The following LHX2 variants were observed in gnomAD, a reference collection of about 807,000 sequenced individuals.
LHX2 encodes the protein LIM/homeobox protein Lhx2.
In LHX2, 6 loss-of-function variants were observed where a neutral mutation model predicts 33.0. The observed-to-expected ratio is 0.18, with a 90% CI of 0.10 to 0.36. The LOEUF is 0.36. Ranked by LOEUF, LHX2 falls within the 10% of genes least tolerant of loss-of-function variation. The pLI, the probability that LHX2 is intolerant of heterozygous loss-of-function variation, is 1.00. For synonymous variants in LHX2, 292 were observed against 253.1 expected (o/e 1.15, Z -1.46); for missense variants, 442 against 586.2 (o/e 0.75, Z 2.54).
At chr9:124,021,072 C>T (rs773063287) in intron 3 of LHX2, 27 bp from the exon 4 acceptor site, 5 of 1,610,086 alleles carry the variant, frequency 3.1e-6, no homozygotes, top group Non-Finnish European at 4.2e-6. Context: ...AGGAAGTTCA[C>T]CCACCGGCTC....
At chr9:124,018,856 GCCCTTTCTGTCC>G (rs1859243013) in intron 3 of LHX2, among the ~76,000 whole-genome samples, 1 of 151,542 alleles carries the variant, frequency 6.6e-6, no homozygotes, top group South Asian at 2.1e-4. Flanking sequence ...TCCTTTCTCT[GCCCTTTCTGTCC>G]CCCTCCCCCG....
At chr9:124,027,682 G>T (rs1486478398) in intron 4 of LHX2, among the ~76,000 whole-genome samples, 2 of 152,148 alleles carry the variant, frequency 1.3e-5, no homozygotes, top group Non-Finnish European at 2.9e-5. Flanking sequence ...GCCGGGCATG[G>T]TGCCACATGC....
At position 124,015,579 on chromosome 9, in the gene LHX2, C is replaced by T. The variant is rs961920153; in HGVS notation, c.727+54C>T. 4.2e-5 allele frequency: 60 copies of T among 1,435,102 alleles called. No homozygotes were observed. The highest frequency in any genetic ancestry group is 3.0e-5 in the Non-Finnish European group (33 of 1,088,442). 88.9% of individuals were successfully genotyped at this position (1,435,102 alleles called of 1,614,324 possible). On this transcript the variant is annotated intron_variant, in intron 3 of 4. Transcript: ENST00000373615. The surrounding 1 kb of genome is among the most constrained non-coding windows in gnomAD (Gnocchi z 7.9). ...ATAGGGTTGGGGGAAAGTGTGCGGCCTCGACGGCCGGGAGCTGGATTGAAT... is the reference window on the plus strand; with the variant it reads ...ATAGGGTTGGGGGAAAGTGTGCGGCTTCGACGGCCGGGAGCTGGATTGAAT...
chr9:124,027,817 C>CA (rs1276253267), intron 4 of LHX2, among the ~76,000 whole-genome samples: 2 of 148,624 alleles, frequency 1.3e-5, no homozygotes, highest in Non-Finnish European at 1.5e-5. Flanking sequence ...GACTTCATCT[C>CA]AAAAAAAAAG....
chr9:124,026,124 G>C (rs903146517), intron 4 of LHX2, among the ~76,000 whole-genome samples: 2 of 152,214 alleles, frequency 1.3e-5, no homozygotes, highest in African/African-American at 4.8e-5. Context: ...CATGTGCCGG[G>C]CAGGGCTGGA....
chr9:124,014,291 C>A lies in LHX2; in HGVS notation c.323+128C>A, dbSNP rs978891551. The A allele has an allele frequency of 7.4e-5, 46 of 623,776 alleles. No individual in the cohort carries two copies. In the Admixed American group the frequency reaches 1.1e-3, roughly 15 times the overall value. 38.6% of individuals were successfully genotyped at this position (623,776 alleles called of 1,614,324 possible). A position where few individuals can be genotyped will look rare whatever the true frequency, so the allele number is the denominator to read the frequency against. ...CACTACTCAGGACTCCCCCGCTCCCCCCCCAAGTTCTCCAAGCCACCACAA... is the reference window on the plus strand; with the variant it reads ...CACTACTCAGGACTCCCCCGCTCCCACCCCAAGTTCTCCAAGCCACCACAA... On this transcript the variant is annotated intron_variant, in intron 2 of 4. Transcript: ENST00000373615. The surrounding 1 kb of genome is among the most constrained non-coding windows in gnomAD (Gnocchi z 4.8).
Position 124,012,224 on chromosome 9 carries a change from G to C in LHX2, c.-125G>C, listed in dbSNP as rs1413578358. 2.0e-6 allele frequency: 2 copies of C among 1,011,980 alleles called. No individual in the cohort carries two copies. Among genetic ancestry groups the C allele is most frequent in the Non-Finnish European group, 2.5e-6 (2 of 800,874 alleles). The allele number at this position is 1,011,980 out of a possible 1,614,324, so 62.7% of individuals were successfully genotyped here. A position where few individuals can be genotyped will look rare whatever the true frequency, so the allele number is the denominator to read the frequency against. On this transcript the variant is annotated 5_prime_UTR_variant, in exon 1 of 5. Coordinates refer to ENST00000373615, the MANE Select transcript of LHX2 (RefSeq NM_004789.4). This position sits in a 1 kb window ranked among gnomAD's most constrained non-coding sequence, Gnocchi z 4.3. ...CGGCCTGGGGGCTCAGCCGAGCTCG[G>C]GCGGGGCCGGGGCCGCGGTGGCGAT...
intron 3 of LHX2, among the ~76,000 whole-genome samples, chr9:124,017,614 T>G (rs966511356): frequency 5.9e-5 from 9 of 152,158 alleles, no homozygotes; most frequent in Admixed American, 2.0e-4. Flanking sequence ...CGAGCTTGTT[T>G]GTGGCAGTGT....
chr9:124,015,672 T>G lies in LHX2; in HGVS notation c.727+147T>G, dbSNP rs1859176617. ...CCTCGCAGAAGGGACATTAGCCCCC[T>G]GGGCTTCCAGACTGTGCGTCCTCGG... is the stretch of plus-strand genomic sequence containing the variant. On this transcript the variant is annotated intron_variant, in intron 3 of 4. Transcript: ENST00000373615. The surrounding 1 kb of genome is among the most constrained non-coding windows in gnomAD (Gnocchi z 7.9). The G allele has an allele frequency of 3.4e-6, 3 of 889,942 alleles. No individual in the cohort carries two copies. Among genetic ancestry groups the G allele is most frequent in the Non-Finnish European group, 4.9e-6 (3 of 614,704 alleles). 55.1% of individuals were successfully genotyped at this position (889,942 alleles called of 1,614,324 possible).
chr9:124,032,267 C>A lies in LHX2; in HGVS notation c.934-153C>A, dbSNP rs1163209025. 8.1e-6 allele frequency: 8 copies of A among 982,632 alleles called. No homozygotes were observed. Among genetic ancestry groups the A allele is most frequent in the South Asian group, 5.7e-5 (3 of 52,222 alleles). The allele number at this position is 982,632 out of a possible 1,614,324, so 60.9% of individuals were successfully genotyped here. ...CAAACAAAAACAAAAACAAAAAAAC[C>A]AAAAAAGCAAAATATTGCCAACCTG... On this transcript the variant is annotated intron_variant, in intron 4 of 4. Transcript: ENST00000373615. This position sits in a 1 kb window ranked among gnomAD's most constrained non-coding sequence, Gnocchi z 4.1.
In LHX2 at chr9:124,015,683, A is replaced by T. The variant is rs1273661701; in HGVS notation, c.727+158A>T. Among the ~76,000 whole-genome samples the T allele has an allele frequency of 6.6e-6, 1 of 152,250 alleles. No individual in the cohort carries two copies. The highest frequency in any genetic ancestry group is 1.5e-5 in the Non-Finnish European group (1 of 68,038). ...GGACATTAGCCCCCTGGGCTTCCAG[A>T]CTGTGCGTCCTCGGCTGGAGCGGGA... On this transcript the variant is annotated intron_variant, in intron 3 of 4. Transcript: ENST00000373615. This position sits in a 1 kb window ranked among gnomAD's most constrained non-coding sequence, Gnocchi z 7.9.
rs752761558 is a variant in LHX2 at position 124,012,572 on chromosome 9, G to A, written c.120+104G>A. On this transcript the variant is annotated intron_variant, in intron 1 of 4. Transcript: ENST00000373615. This position sits in a 1 kb window ranked among gnomAD's most constrained non-coding sequence, Gnocchi z 4.3. The stretch of plus-strand genomic sequence containing the variant: ...GGGGAGCGTCCTTCGTGCCGCACGG[G>A]ACTGGGTGCTGGGGATCCTCGGTCA... 4.8e-4 allele frequency: 627 copies of A among 1,297,804 alleles called. No individual in the cohort carries two copies. Among genetic ancestry groups the A allele is most frequent in the Admixed American group, 1.2e-3 (34 of 28,448 alleles). 80.4% of individuals were successfully genotyped at this position (1,297,804 alleles called of 1,614,324 possible).
At chr9:124,028,151 T>C (rs1331013510) in intron 4 of LHX2, among the ~76,000 whole-genome samples, 2 of 152,244 alleles carry the variant, frequency 1.3e-5, no homozygotes, top group East Asian at 3.8e-4. Context: ...CCTGGCTTTC[T>C]TGATGAAAGA....
rs1344586491 is a variant in LHX2, at chr9:124,012,337, G to T, written c.-12G>T. On this transcript the variant is annotated 5_prime_UTR_variant, in exon 1 of 5. Coordinates refer to ENST00000373615, the MANE Select transcript of LHX2 (RefSeq NM_004789.4). The surrounding 1 kb of genome is among the most constrained non-coding windows in gnomAD (Gnocchi z 4.3). The stretch of plus-strand genomic sequence containing the variant: ...GAGGAGCCGCGCCCCCGGCCCCGCC[G>T]GTCCCGCCGCGATGCTGTTCCACAG... The T allele has an allele frequency of 1.1e-5, 17 of 1,488,832 alleles. No homozygotes were observed. The East Asian group carries it at 1.5e-4, about 13-fold the overall frequency. The allele number at this position is 1,488,832 out of a possible 1,614,324, so 92.2% of individuals were successfully genotyped here.
intron 3 of LHX2, 84 bp from the exon 4 acceptor site, chr9:124,021,014 GT>G: frequency 8.2e-7 from 1 of 1,219,174 alleles, no homozygotes; most frequent in Non-Finnish European, 1.2e-6. Context: ...GGATTGAAAT[GT>G]TTGGCAGTGG....
chr9:124,017,597 G>C (rs1471785592), intron 3 of LHX2, among the ~76,000 whole-genome samples: 1 of 152,174 alleles, frequency 6.6e-6, no homozygotes, highest in African/African-American at 2.4e-5. Flanking sequence ...TTCCGACCAC[G>C]GGGACACGAG....
In LHX2 at chr9:124,021,241, C is replaced by T. The variant is rs367850838; in HGVS notation, c.870C>T (p.Asn290=). 2 of 1,614,088 alleles carry T rather than the reference C, an allele frequency of 1.2e-6. No individual in the cohort carries two copies. Among genetic ancestry groups the T allele is most frequent in the African/African-American group, 2.7e-5 (2 of 74,950 alleles). The part of the protein sequence containing the change: ...TMKSYFAINH[N]PDAKDLKQLA... The stretch of plus-strand genomic sequence containing the variant: ...AGTCTTACTTTGCCATTAACCACAA[C>T]CCCGACGCCAAGGACTTGAAGCAGC... The change falls in exon 4 of 5, where the codon AAC becomes AAT. Residue 290 remains asparagine (N), a synonymous_variant. Transcript: ENST00000373615.
rs2118753334 is a variant in LHX2 at position 124,016,285 on chromosome 9, C to T, written c.727+760C>T. On this transcript the variant is annotated intron_variant, in intron 3 of 4. Coordinates refer to ENST00000373615, the MANE Select transcript of LHX2 (RefSeq NM_004789.4). This position sits in a 1 kb window ranked among gnomAD's most constrained non-coding sequence, Gnocchi z 4.4. ...GGTTCGGATTTCCGGCATCTTTGAA[C>T]CCCAGGCCATTCCCGGAGAAGCTCT... Among the ~76,000 whole-genome samples the T allele has an allele frequency of 6.6e-6, 1 of 152,254 alleles. No individual in the cohort carries two copies. Among genetic ancestry groups the T allele is most frequent in the East Asian group, 1.9e-4 (1 of 5,162 alleles).
chr9:124,027,614 G>A (rs1588351845), intron 4 of LHX2, among the ~76,000 whole-genome samples: 1 of 151,988 alleles, frequency 6.6e-6, no homozygotes. Flanking sequence ...GTCAGGAGGT[G>A]GAGACCATCC....
Sources: gnomAD v4.1 joint callset for allele counts (sites outside exome capture counted in the v4.1 genomes callset) on GRCh38, gnomAD v4.1.1 for gene constraint, Gnocchi (gnomAD v3.1) non-coding constraint, MANE v1.5 for transcripts, NCBI Gene and HGNC (gene_info 2026-07-23, HGNC 2026-07-21) for gene names.